The following SCN8A variants were observed in gnomAD, a reference collection of about 807,000 sequenced individuals.
The protein encoded by SCN8A is sodium channel protein type 8 subunit alpha.
In SCN8A, 30 loss-of-function variants were observed where a neutral mutation model predicts 184.1. The observed-to-expected ratio is 0.16, with a 90% CI of 0.12 to 0.22. The LOEUF is 0.22. Among genes scored for constraint, SCN8A ranks in the 10% least tolerant of loss-of-function variants. SCN8A has a pLI of 1.00. For missense variants in SCN8A, 1,057 were observed against 2,498.9 expected (o/e 0.42, Z 12.30); for synonymous variants, 852 against 907.0 (o/e 0.94, Z 1.09).
chr12:51,802,601 A>C (rs896164925), intron 26 of SCN8A, among the ~76,000 whole-genome samples: 1 of 152,180 alleles, frequency 6.6e-6, no homozygotes, highest in African/African-American at 2.4e-5. Context: ...ATCTTAGAAG[A>C]CTTGAGGCTC....
Position 51,706,531 on chromosome 12 carries a change from G to T in SCN8A, c.1451G>T (p.Ser484Ile). The change falls in exon 11 of 27, where the codon AGC becomes ATC. Residue 484 changes from serine (S) to isoleucine (I), a missense_variant. Ser to Ile is a moderately radical substitution (Grantham distance 142). This residue lies in a region of SCN8A where 322 missense variants were observed against 390.1 expected (regional missense o/e 0.83). Transcript: ENST00000627620. The stretch of plus-strand genomic sequence containing the variant: ...AGCTCTTCTGAAATCTCTAAACTCA[G>T]CTCAAAGAGTGCAAAGGAAAGACGT... ...PRSSSEISKLSSKSAKERRNR... is the reference protein window; with the variant it reads ...PRSSSEISKLISKSAKERRNR... 1 of 1,605,984 alleles carries T rather than the reference G, an allele frequency of 6.2e-7. No homozygotes were observed. The highest frequency in any genetic ancestry group is 1.1e-5 in the South Asian group (1 of 89,374).
intron 5 of SCN8A, among the ~76,000 whole-genome samples, chr12:51,688,606 C>G (rs1941457579): frequency 6.6e-6 from 1 of 152,112 alleles, no homozygotes; most frequent in African/African-American, 2.4e-5. Context: ...CAATTAAAAA[C>G]AAATGTTCCT....
intron 2 of SCN8A, among the ~76,000 whole-genome samples, chr12:51,669,905 T>G (rs777600908): frequency 3.3e-5 from 5 of 152,232 alleles, no homozygotes; most frequent in Non-Finnish European, 7.3e-5. Flanking sequence ...GGATTTATGT[T>G]CATTAGGTGT....
intron 1 of SCN8A, among the ~76,000 whole-genome samples, chr12:51,640,523 C>G (rs115678874): frequency 1.3e-5 from 2 of 151,912 alleles, no homozygotes; most frequent in African/African-American, 2.4e-5. Context: ...GGTAAGATAG[C>G]ATTCTAATCA....
At chr12:51,603,394 T>C (rs1159051803) in intron 1 of SCN8A, among the ~76,000 whole-genome samples, 1 of 152,232 alleles carries the variant, frequency 6.6e-6, no homozygotes, top group Non-Finnish European at 1.5e-5. Context: ...ACTGTTCCAA[T>C]GCATATACAT....
intron 1 of SCN8A, among the ~76,000 whole-genome samples, chr12:51,651,067 G>T (rs765352299): frequency 2.4e-4 from 36 of 152,352 alleles, no homozygotes; most frequent in Non-Finnish European, 4.7e-4. Context: ...TCATGCTATT[G>T]TTTGTGGTTT....
chr12:51,636,409 T>G (rs1940319414), intron 1 of SCN8A, among the ~76,000 whole-genome samples: 2 of 152,282 alleles, frequency 1.3e-5, no homozygotes, highest in East Asian at 3.9e-4. Context: ...CACCTAGTAA[T>G]CTGAATGAAG....
chr12:51,759,829 T>C (rs1357503416), intron 14 of SCN8A, among the ~76,000 whole-genome samples: 1 of 152,200 alleles, frequency 6.6e-6, no homozygotes, highest in African/African-American at 2.4e-5. Context: ...TTTATTTGGC[T>C]GACATTTCTA....
intron 16 of SCN8A, 53 bp downstream of exon 16, chr12:51,766,080 T>A: frequency 7.0e-7 from 1 of 1,429,728 alleles, no homozygotes; most frequent in South Asian, 1.1e-5. Flanking sequence ...ATTCTACCCC[T>A]GGCCCAGAAG....
At chr12:51,687,047 G>A (rs1941430884) in intron 4 of SCN8A, 44 bp from the exon 5 acceptor site, 2 of 1,609,956 alleles carry the variant, frequency 1.2e-6, no homozygotes, top group Admixed American at 1.7e-5. Context: ...TTCATTTAAA[G>A]TTTCTGTCCA....
intron 1 of SCN8A, among the ~76,000 whole-genome samples, chr12:51,631,926 T>TA (rs1940204277): frequency 6.6e-6 from 1 of 152,236 alleles, no homozygotes; most frequent in Non-Finnish European, 1.5e-5. Context: ...GCTAGAGTTC[T>TA]ATTCTTGGCC....
chr12:51,664,056 C>T (rs1940980519), intron 2 of SCN8A, among the ~76,000 whole-genome samples: 2 of 151,640 alleles, frequency 1.3e-5, no homozygotes, highest in African/African-American at 4.9e-5. Context: ...ACTACAGGCT[C>T]AGAGCAGCTA....
At chr12:51,648,875 A>C (rs1294447355) in intron 1 of SCN8A, among the ~76,000 whole-genome samples, 1 of 152,158 alleles carries the variant, frequency 6.6e-6, no homozygotes, top group Non-Finnish European at 1.5e-5. Context: ...CAGTCCCCCA[A>C]AGTCTTAACT....
At chr12:51,752,400 A>C (rs947689284) in intron 14 of SCN8A, among the ~76,000 whole-genome samples, 23 of 150,270 alleles carry the variant, frequency 1.5e-4, no homozygotes, top group African/African-American at 4.4e-4. Flanking sequence ...GTGCTCTCTC[A>C]CTCTCTCTCT....
At chr12:51,799,958 A>G (rs1938509096) in intron 26 of SCN8A, among the ~76,000 whole-genome samples, 1 of 152,248 alleles carries the variant, frequency 6.6e-6, no homozygotes, top group African/African-American at 2.4e-5. Flanking sequence ...ATGTCTCACC[A>G]GTAAGTCCAG....
chr12:51,806,635 C>G lies in SCN8A; in HGVS notation c.5149C>G (p.Arg1717Gly), dbSNP rs1451912147. The G allele has an allele frequency of 6.2e-7, 1 of 1,614,122 alleles. No individual in the cohort carries two copies. The highest frequency in any genetic ancestry group is 8.5e-7 in the Non-Finnish European group (1 of 1,179,992). ...WDGLLLPILN[R>G]PPDCSLDKEH... is the part of the protein sequence containing the mutation. ...TGGCCTGCTGCTGCCCATCCTAAACCGCCCCCCTGACTGCAGCCTAGATAA... is the reference window on the plus strand; with the variant it reads ...TGGCCTGCTGCTGCCCATCCTAAACGGCCCCCCTGACTGCAGCCTAGATAA... Residue 1717 changes from arginine to glycine, a missense_variant, in exon 27 of 27, where the codon CGC (arginine) becomes GGC (glycine). Around this residue, in one of 19 missense-constraint regions of SCN8A, gnomAD observed 21 missense variants for 42.3 expected, o/e 0.50. Coordinates refer to ENST00000627620, the MANE Select transcript of SCN8A (RefSeq NM_001330260.2). This position sits in a 1 kb window ranked among gnomAD's most constrained non-coding sequence, Gnocchi z 8.7.
At chr12:51,692,294 T>C (rs1429261180) in intron 6 of SCN8A, among the ~76,000 whole-genome samples, 2 of 152,212 alleles carry the variant, frequency 1.3e-5, no homozygotes, top group Non-Finnish European at 2.9e-5. Context: ...CCTGGGCTGA[T>C]ACTGTCCTTC....
rs1254851381 is a variant in SCN8A, at chr12:51,703,233, G to GTT, written c.1134+326_1134+327dup. ...TTTTGGATATTTGGGGTTAGGGTTTGTTTTTTTTGTTTTGTTTTGTTTTGT... is the reference window on the plus strand; with the variant it reads ...TTTTGGATATTTGGGGTTAGGGTTTGTTTTTTTTTTGTTTTGTTTTGTTTTGT... On this transcript the variant is annotated intron_variant, in intron 9 of 26. Coordinates refer to ENST00000627620, the MANE Select transcript of SCN8A (RefSeq NM_001330260.2). Among the ~76,000 whole-genome samples, 3 of 86,350 alleles carry GTT rather than the reference G, an allele frequency of 3.5e-5. No homozygotes were observed. The South Asian group carries it at 1.1e-3, about 31-fold the overall frequency. The allele number at this position is 86,350 out of a possible 152,430, so 56.6% of individuals were successfully genotyped here. A position where few individuals can be genotyped will look rare whatever the true frequency, so the allele number is the denominator to read the frequency against.
intron 12 of SCN8A, among the ~76,000 whole-genome samples, chr12:51,723,616 CTGTAATCCCAGCACCT>C (rs1942109842): frequency 6.6e-6 from 1 of 152,212 alleles, no homozygotes. Context: ...TGGCTCACGC[CTGTAATCCCAGCACCT>C]TGGGAGGCCA....
Sources: gnomAD v4.1 joint callset for allele counts (sites outside exome capture counted in the v4.1 genomes callset) on GRCh38, gnomAD v4.1.1 for gene constraint, gnomAD v4.1.1 regional missense constraint, Gnocchi (gnomAD v3.1) non-coding constraint, MANE v1.5 for transcripts, NCBI Gene and HGNC (gene_info 2026-07-23, HGNC 2026-07-21) for gene names.